SUCLG2: variants seen among roughly 807,000 people sequenced by gnomAD.
SUCLG2 encodes succinate--CoA ligase [GDP-forming] subunit beta, mitochondrial.
SUCLG2 carries 42 observed loss-of-function variants against 47.9 expected under a neutral mutation model. That is an observed-to-expected ratio of 0.88 (90% CI 0.69 to 1.14). The LOEUF (loss-of-function observed/expected upper bound fraction) is 1.14. Among genes scored for constraint, SUCLG2 ranks in the 50% most tolerant of loss-of-function variants. The pLI is 0.00. For missense variants in SUCLG2, 571 were observed against 525.9 expected, an observed-to-expected ratio of 1.09 and a Z score of -0.84; for synonymous variants, 195 against 197.3, an observed-to-expected ratio of 0.99 and a Z score of 0.10.
Position 67,609,612 on chromosome 3 carries a change from G to A in SUCLG2, c.85-16C>T. ...ATTGAACTGCCTACAGAAATTGAAG[G>A]AGAGAGGTAAGAACATTCATTAATA... On this transcript the variant is annotated splice_polypyrimidine_tract_variant and intron_variant, in intron 1 of 10. Transcript: ENST00000307227. 6.2e-7 allele frequency: 1 copy of A among 1,610,920 alleles called. No homozygotes were observed. Among genetic ancestry groups the A allele is most frequent in the Non-Finnish European group, 8.5e-7 (1 of 1,178,780 alleles).
At chr3:67,576,670 A>T (rs1478698699) in intron 2 of SUCLG2, among the ~76,000 whole-genome samples, 2 of 152,204 alleles carry the variant, frequency 1.3e-5, no homozygotes, top group Admixed American at 1.3e-4. Context: ...TTCTCGAAGA[A>T]ACTTACTGAG....
At position 67,486,068 on chromosome 3, in the gene SUCLG2, T is replaced by C. The variant is rs529920535; in HGVS notation, c.1062+9730A>G. ...GGCAGATCGCTTGAGCCCAGGAGTT[T>C]GAGACCAGGCAGGGCAACAAACCCT... On this transcript the variant is annotated intron_variant, in intron 9 of 10. Coordinates refer to ENST00000307227, the MANE Select transcript of SUCLG2 (RefSeq NM_003848.4). Among the ~76,000 whole-genome samples the C allele has an allele frequency of 2.6e-5, 4 of 152,260 alleles. No homozygotes were observed. In the East Asian group the frequency reaches 7.7e-4, roughly 29 times the overall value.
chr3:67,458,032 T>C (rs1320089473), intron 9 of SUCLG2, among the ~76,000 whole-genome samples: 1 of 151,988 alleles, frequency 6.6e-6, no homozygotes, highest in East Asian at 1.9e-4. Context: ...AAGGGCCACA[T>C]AGGGAGGCTG....
At chr3:67,559,936 G>T (rs1575778297) in intron 2 of SUCLG2, among the ~76,000 whole-genome samples, 1 of 152,002 alleles carries the variant, frequency 6.6e-6, no homozygotes, top group East Asian at 1.9e-4. Flanking sequence ...ATGCTGGTGG[G>T]GGATGTTGGT....
intron 10 of SUCLG2, among the ~76,000 whole-genome samples, chr3:67,367,404 G>T (rs907799104): frequency 6.6e-6 from 1 of 152,046 alleles, no homozygotes; most frequent in Admixed American, 6.6e-5. Flanking sequence ...AAAAGCATTT[G>T]TATCTTTTTA....
intron 6 of SUCLG2, among the ~76,000 whole-genome samples, chr3:67,509,676 G>C (rs1401403790): frequency 6.6e-6 from 1 of 152,132 alleles, no homozygotes; most frequent in Admixed American, 6.5e-5. Flanking sequence ...GAAAGCTCCT[G>C]GCAATAACAA....
downstream of SUCLG2, among the ~76,000 whole-genome samples, chr3:67,371,342 T>G (rs1241320755): frequency 6.1e-4 from 93 of 152,314 alleles, no homozygotes; most frequent in Non-Finnish European, 1.8e-4. Flanking sequence ...TATGAAAATA[T>G]GAGATAAGAC....
intron 9 of SUCLG2, among the ~76,000 whole-genome samples, chr3:67,429,570 A>T (rs1409790170): frequency 2.0e-5 from 3 of 152,166 alleles, no homozygotes; most frequent in Non-Finnish European, 4.4e-5. Flanking sequence ...GCTAACATCA[A>T]AATGACAGGA....
At chr3:67,464,681 T>C (rs1704427084) in intron 9 of SUCLG2, among the ~76,000 whole-genome samples, 2 of 152,234 alleles carry the variant, frequency 1.3e-5, no homozygotes, top group Non-Finnish European at 1.5e-5. Context: ...AATATTCTTA[T>C]TAATCACATT....
At chr3:67,652,898 T>TA (rs1309702654) in intron 1 of SUCLG2, among the ~76,000 whole-genome samples, 2 of 152,160 alleles carry the variant, frequency 1.3e-5, no homozygotes, top group Non-Finnish European at 2.9e-5. Context: ...TTTCTATCTT[T>TA]AAAAAAACCT....
At chr3:67,579,344 A>C (rs1238770732) in intron 2 of SUCLG2, among the ~76,000 whole-genome samples, 1 of 152,198 alleles carries the variant, frequency 6.6e-6, no homozygotes, top group African/African-American at 2.4e-5. Context: ...CACATAATTT[A>C]ATTAATGCCA....
intron 9 of SUCLG2, among the ~76,000 whole-genome samples, chr3:67,473,485 A>C (rs1704655168): frequency 6.6e-6 from 1 of 152,180 alleles, no homozygotes; most frequent in Non-Finnish European, 1.5e-5. Context: ...TTCCAAAAAG[A>C]ATGAGTATTA....
chr3:67,582,553 T>C (rs951358091), intron 2 of SUCLG2, among the ~76,000 whole-genome samples: 4 of 152,208 alleles, frequency 2.6e-5, no homozygotes, highest in Non-Finnish European at 5.9e-5. Flanking sequence ...GTCTTTGCTA[T>C]AGTGAATAGC....
At chr3:67,368,225 C>T (rs952729172) in intron 10 of SUCLG2, among the ~76,000 whole-genome samples, 1 of 152,172 alleles carries the variant, frequency 6.6e-6, no homozygotes, top group Admixed American at 6.5e-5. Context: ...TTCTCCTCTG[C>T]ATTTGTTCAT....
chr3:67,443,958 G>C (rs1182666411), intron 9 of SUCLG2, among the ~76,000 whole-genome samples: 45 of 101,090 alleles, frequency 4.5e-4, no homozygotes, highest in African/African-American at 5.4e-4. Context: ...CGGGAGGGAG[G>C]TGGGGGGGGG....
intron 9 of SUCLG2, 120 bp downstream of exon 9, chr3:67,495,678 G>A (rs1235823988): frequency 7.0e-6 from 7 of 997,006 alleles, no homozygotes. Flanking sequence ...GATAGAAGTT[G>A]CATCTGGGGC....
intron 5 of SUCLG2, among the ~76,000 whole-genome samples, chr3:67,519,152 C>T (rs1185367741): frequency 6.6e-6 from 1 of 152,052 alleles, no homozygotes; most frequent in African/African-American, 2.4e-5. Flanking sequence ...CTCTGGGTCC[C>T]CCGGTTTTCT....
Position 67,520,552 on chromosome 3 carries a change from A to G in SUCLG2, c.500T>C (p.Leu167Pro). 6.2e-7 allele frequency: 1 copy of G among 1,614,208 alleles called. No individual in the cohort carries two copies. Among genetic ancestry groups the G allele is most frequent in the Non-Finnish European group, 8.5e-7 (1 of 1,180,020 alleles). Reference sequence around the variant, plus strand: ...GACGCCCCCCTGGGGGCTGCCCACCAGCACGGGGCCATTGCAGGACCGGTC... The same window carrying G: ...GACGCCCCCCTGGGGGCTGCCCACCGGCACGGGGCCATTGCAGGACCGGTC... ...LMDRSCNGPV[L>P]VGSPQGGVDI... The change falls in exon 5 of 11, where the codon CTG becomes CCG. Residue 167 changes from leucine (L) to proline (P), a missense_variant. Physicochemically the swap from Leu to Pro is moderately conservative, Grantham distance 98. Coordinates refer to ENST00000307227, the MANE Select transcript of SUCLG2 (RefSeq NM_003848.4).
At chr3:67,451,061 T>C (rs1380339053) in intron 9 of SUCLG2, among the ~76,000 whole-genome samples, 1 of 152,216 alleles carries the variant, frequency 6.6e-6, no homozygotes, top group Non-Finnish European at 1.5e-5. Flanking sequence ...CTTCCTATTA[T>C]TCCCAATTTA....
Sources: allele counts gnomAD v4.1 joint callset (sites outside exome capture counted in the v4.1 genomes callset), GRCh38; gene constraint gnomAD v4.1.1; transcripts MANE v1.5; gene names NCBI Gene and HGNC (gene_info 2026-07-23, HGNC 2026-07-21).